Variants in NREP observed in about 807,000 individuals in gnomAD.
The protein encoded by NREP is neuronal regeneration-related protein.
NREP carries 5 observed loss-of-function variants against 8.6 expected under a neutral mutation model. That is an observed-to-expected ratio of 0.58 (90% confidence interval 0.30 to 1.22). The LOEUF (loss-of-function observed/expected upper bound fraction) is 1.22, where lower values mean the gene tolerates loss of function less well. Among genes scored for constraint, NREP ranks in the 50% most tolerant of loss-of-function variants. The pLI is 0.07. For missense variants in NREP, 86 were observed against 82.5 expected (o/e 1.04, Z -0.17); for synonymous variants, 27 against 28.0 (o/e 0.96, Z 0.11).
At chr5:111,849,594 T>C (rs1207939124) in intron 2 of NREP, among the ~76,000 whole-genome samples, 3 of 152,112 alleles carry the variant, frequency 2.0e-5, no homozygotes, top group Non-Finnish European at 2.9e-5. Flanking sequence ...ACATAGGCTT[T>C]TTTAGTAGCC....
intron 2 of NREP, among the ~76,000 whole-genome samples, chr5:111,923,413 G>A (rs1326589066): frequency 1.3e-5 from 2 of 152,194 alleles, no homozygotes; most frequent in African/African-American, 4.8e-5. Context: ...TCACAGTCAT[G>A]TTCAGGTTCC....
intron 2 of NREP, among the ~76,000 whole-genome samples, chr5:111,806,220 C>T (rs558273573): frequency 4.3e-4 from 65 of 152,234 alleles, no homozygotes; most frequent in African/African-American, 1.5e-3. Context: ...CCTTGTCCCA[C>T]CTCTTGCCCC....
At chr5:111,921,651 G>A (rs1561347475) in intron 2 of NREP, among the ~76,000 whole-genome samples, 1 of 151,946 alleles carries the variant, frequency 6.6e-6, no homozygotes, top group Non-Finnish European at 1.5e-5. Context: ...CTTCATAGTA[G>A]GACAGAGAGG....
chr5:111,946,784 A>G (rs942422973), intron 2 of NREP, among the ~76,000 whole-genome samples: 6 of 152,060 alleles, frequency 3.9e-5, no homozygotes, highest in African/African-American at 1.4e-4. Flanking sequence ...AATTAGGCCA[A>G]TCAGGAACCC....
At chr5:111,962,291 A>C (rs1338440698) in intron 2 of NREP, among the ~76,000 whole-genome samples, 4 of 152,200 alleles carry the variant, frequency 2.6e-5, no homozygotes, top group Admixed American at 2.6e-4. Flanking sequence ...ACATCATTAA[A>C]AAAAAATCAC....
chr5:111,814,012 T>C (rs1387559968), intron 2 of NREP, among the ~76,000 whole-genome samples: 1 of 152,024 alleles, frequency 6.6e-6, no homozygotes, highest in Non-Finnish European at 1.5e-5. Flanking sequence ...ATTTTCTTCT[T>C]TCTCAAACAT....
At chr5:111,957,760 A>C (rs182448877) in intron 2 of NREP, among the ~76,000 whole-genome samples, 51 of 152,094 alleles carry the variant, frequency 3.4e-4, no homozygotes, top group African/African-American at 1.1e-3. Flanking sequence ...GTATGTGTAC[A>C]AAATACAACA....
intron 2 of NREP, among the ~76,000 whole-genome samples, chr5:111,837,185 A>G (rs997308990): frequency 6.6e-6 from 1 of 152,078 alleles, no homozygotes; most frequent in East Asian, 1.9e-4. Flanking sequence ...AGAAGATCCT[A>G]GTTTCTAAAT....
chr5:111,891,631 T>G (rs968568809), intron 2 of NREP, among the ~76,000 whole-genome samples: 1 of 152,202 alleles, frequency 6.6e-6, no homozygotes, highest in Non-Finnish European at 1.5e-5. Context: ...TTCTATGGAC[T>G]GTATAGAAAG....
At chr5:111,919,983 CCCA>C (rs373320847) in intron 2 of NREP, among the ~76,000 whole-genome samples, 2,666 of 124,840 alleles carry the variant, frequency 0.021, 81 homozygotes, top group Non-Finnish European at 0.033. Context: ...ACCCCCCCCC[CCCA>C]CACACACAAA....
At chr5:111,751,761 G>A (rs562951284) in intron 2 of NREP, among the ~76,000 whole-genome samples, 3 of 152,170 alleles carry the variant, frequency 2.0e-5, no homozygotes, top group South Asian at 4.2e-4. Context: ...CATCACTCCA[G>A]CAACATTTGG....
At chr5:111,742,907 G>A (rs1221061560) in intron 2 of NREP, among the ~76,000 whole-genome samples, 2 of 152,112 alleles carry the variant, frequency 1.3e-5, no homozygotes, top group East Asian at 3.9e-4. Flanking sequence ...TTTCTGCCAA[G>A]GCACCCTCCC....
intron 2 of NREP, among the ~76,000 whole-genome samples, chr5:111,970,846 A>AG (rs1188648930): frequency 2.0e-5 from 3 of 151,090 alleles, no homozygotes; most frequent in East Asian, 1.9e-4. Flanking sequence ...AAAAAAAAAA[A>AG]AAAGAAAGAA....
At chr5:111,822,808 G>A (rs943571211) in intron 2 of NREP, among the ~76,000 whole-genome samples, 13 of 152,158 alleles carry the variant, frequency 8.5e-5, no homozygotes, top group Non-Finnish European at 1.9e-4. Flanking sequence ...GTAGTTATGT[G>A]ACACAGACTT....
intron 2 of NREP, among the ~76,000 whole-genome samples, chr5:111,740,313 A>C (rs1749539162): frequency 6.6e-6 from 1 of 152,136 alleles, no homozygotes; most frequent in Non-Finnish European, 1.5e-5. Context: ...AATATACTTA[A>C]ACCCACTATA....
chr5:111,925,264 A>AACC (rs541151851), intron 2 of NREP, among the ~76,000 whole-genome samples: 8,974 of 151,858 alleles, frequency 0.059, 631 homozygotes, highest in East Asian at 0.23. Context: ...TTCTGGACGG[A>AACC]GATGTCTCTC....
intron 2 of NREP, among the ~76,000 whole-genome samples, chr5:111,968,383 C>T (rs548329701): frequency 4.6e-5 from 7 of 152,216 alleles, no homozygotes; most frequent in South Asian, 2.1e-4. Flanking sequence ...CATAACATTT[C>T]TAGTACAGAA....
chr5:111,931,801 T>G (rs1755544824), intron 2 of NREP, among the ~76,000 whole-genome samples: 1 of 152,084 alleles, frequency 6.6e-6, no homozygotes, highest in Non-Finnish European at 1.5e-5. Context: ...GGTCTTCTGG[T>G]TCATTCTCTC....
chr5:111,865,306 C>G (rs1408024278), intron 2 of NREP, among the ~76,000 whole-genome samples: 3 of 152,138 alleles, frequency 2.0e-5, no homozygotes. Context: ...ACATGGTCAT[C>G]ATAAATGCTT....
Sources: allele counts gnomAD v4.1 joint callset (sites outside exome capture counted in the v4.1 genomes callset), GRCh38; gene constraint gnomAD v4.1.1; transcripts MANE v1.5; gene names NCBI Gene and HGNC (gene_info 2026-07-23, HGNC 2026-07-21).